The following SAXO1 variants were observed in gnomAD, a reference collection of about 807,000 sequenced individuals.
The protein encoded by SAXO1 is stabilizer of axonemal microtubules 1, also known as 4930500O09Rik.
A neutral mutation model predicts 17.5 loss-of-function variants in SAXO1; 21 were observed. The ratio of observed to expected loss-of-function variants is 1.20; its 90% CI spans 0.85 to 1.72. The LOEUF (loss-of-function observed/expected upper bound fraction) is 1.72. Among genes scored for constraint, SAXO1 ranks in the 40% most tolerant of loss-of-function variants. The pLI, the probability that SAXO1 is intolerant of heterozygous loss-of-function variation, is 0.00. For missense variants in SAXO1, 843 were observed against 596.0 expected (o/e 1.41, Z -4.32); for synonymous variants, 274 against 216.5 (o/e 1.27, Z -2.33).
intron 1 of SAXO1, among the ~76,000 whole-genome samples, chr9:18,990,965 A>G (rs780754772): frequency 3.3e-5 from 5 of 152,224 alleles, no homozygotes; most frequent in Non-Finnish European, 7.3e-5. Flanking sequence ...TGATAGAACT[A>G]AAGTGCACAA....
intron 1 of SAXO1, chr9:19,027,074 T>G (rs1835507006): frequency 2.3e-6 from 2 of 859,330 alleles, no homozygotes; most frequent in Non-Finnish European, 4.0e-6. Context: ...AAGAGAACAG[T>G]GAGAAAATCA....
chr9:19,007,180 C>G (rs956628344), intron 1 of SAXO1, among the ~76,000 whole-genome samples: 1 of 152,028 alleles, frequency 6.6e-6, no homozygotes, highest in Admixed American at 6.6e-5. Flanking sequence ...AACCCCATCT[C>G]TACTAAAAAT....
At chr9:18,937,203 T>C (rs951104618) in intron 3 of SAXO1, among the ~76,000 whole-genome samples, 5 of 152,242 alleles carry the variant, frequency 3.3e-5, no homozygotes, top group African/African-American at 1.2e-4. Context: ...CATGGGGTTA[T>C]TAAGGACTGA....
In SAXO1 at chr9:19,008,403, A is replaced by G. The variant is rs192729812; in HGVS notation, c.38+24468T>C. ...AGCTAACCACTCAGTTGTTATTTTT[A>G]AAGATCCAAGCAATAGGGCCATTCT... On this transcript the variant is annotated intron_variant, in intron 1 of 3. Coordinates refer to ENST00000380534, the MANE Select transcript of SAXO1 (RefSeq NM_153707.4). Among the ~76,000 whole-genome samples the G allele has an allele frequency of 3.3e-5, 5 of 152,310 alleles. No individual in the cohort carries two copies. In the East Asian group the frequency reaches 9.7e-4, roughly 29 times the overall value.
chr9:19,031,054 T>A (rs1835743910), intron 1 of SAXO1, among the ~76,000 whole-genome samples: 1 of 152,172 alleles, frequency 6.6e-6, no homozygotes, highest in Non-Finnish European at 1.5e-5. Context: ...AGGGACAGAA[T>A]GAGAACAGAG....
chr9:18,992,696 T>C (rs971884657), intron 1 of SAXO1, among the ~76,000 whole-genome samples: 2 of 152,060 alleles, frequency 1.3e-5, no homozygotes, highest in African/African-American at 2.4e-5. Context: ...GAGACAGACG[T>C]TGGCACATTG....
At chr9:18,982,128 G>T (rs1386953873) in intron 1 of SAXO1, among the ~76,000 whole-genome samples, 2 of 152,096 alleles carry the variant, frequency 1.3e-5, no homozygotes, top group African/African-American at 2.4e-5. Flanking sequence ...TGCAGGATAG[G>T]AACTCAGAGC....
intron 1 of SAXO1, among the ~76,000 whole-genome samples, chr9:18,973,385 T>G (rs1360480092): frequency 6.6e-6 from 1 of 152,248 alleles, no homozygotes; most frequent in Non-Finnish European, 1.5e-5. Context: ...AGTAGTGTTG[T>G]AGACAGGTAT....
chr9:18,930,716 C>T (rs1027534484), intron 3 of SAXO1, among the ~76,000 whole-genome samples: 13 of 152,232 alleles, frequency 8.5e-5, no homozygotes, highest in Non-Finnish European at 1.6e-4. Context: ...TCAGGCTGGT[C>T]TCGAACTCCC....
chr9:19,021,423 C>G (rs1835228245), intron 1 of SAXO1, among the ~76,000 whole-genome samples: 1 of 152,226 alleles, frequency 6.6e-6, no homozygotes, highest in Admixed American at 6.5e-5. Flanking sequence ...ACCTTCAGGT[C>G]TGTGCCCCAT....
chr9:19,003,244 G>A (rs1424310718), intron 1 of SAXO1, among the ~76,000 whole-genome samples: 2 of 152,122 alleles, frequency 1.3e-5, no homozygotes, highest in Admixed American at 1.3e-4. Context: ...AAATAAAAGA[G>A]GACACAAACA....
intron 1 of SAXO1, among the ~76,000 whole-genome samples, chr9:19,021,983 G>T (rs1835255142): frequency 6.6e-6 from 1 of 152,224 alleles, no homozygotes; most frequent in African/African-American, 2.4e-5. Flanking sequence ...GTGGCAACTG[G>T]GTCGGGTCCC....
At chr9:18,958,861 CGAAGA>C (rs35507340) in intron 1 of SAXO1, among the ~76,000 whole-genome samples, 92,236 of 151,328 alleles carry the variant, frequency 0.61, 30,454 homozygotes, top group Non-Finnish European at 0.75. Context: ...TGAAGTTGCT[CGAAGA>C]GAAGAGGAAG....
intron 1 of SAXO1, among the ~76,000 whole-genome samples, chr9:18,982,713 A>AAC: frequency 6.6e-6 from 1 of 152,200 alleles, no homozygotes. Context: ...ACATTAATTC[A>AAC]CTGGATGTAG....
intron 1 of SAXO1, among the ~76,000 whole-genome samples, chr9:19,010,647 G>C (rs1192382838): frequency 6.6e-6 from 1 of 152,002 alleles, no homozygotes; most frequent in East Asian, 1.9e-4. Flanking sequence ...ATATTATTTG[G>C]CTAGCTGACT....
intron 3 of SAXO1, among the ~76,000 whole-genome samples, chr9:18,935,162 C>A (rs1588402109): frequency 6.6e-6 from 1 of 152,096 alleles, no homozygotes. Flanking sequence ...GATCTGCGCA[C>A]CTGGGCCTCG....
intron 1 of SAXO1, among the ~76,000 whole-genome samples, chr9:18,988,914 A>T (rs927719505): frequency 6.6e-6 from 1 of 152,210 alleles, no homozygotes; most frequent in African/African-American, 2.4e-5. Flanking sequence ...ACCTGAGCAT[A>T]GTTTGTGAAA....
At chr9:18,930,946 G>C (rs143899731) in intron 3 of SAXO1, among the ~76,000 whole-genome samples, 1 of 152,092 alleles carries the variant, frequency 6.6e-6, no homozygotes, top group Non-Finnish European at 1.5e-5. Context: ...CGAAAGGTTA[G>C]AAAAAAAAGC....
intron 1 of SAXO1, chr9:19,028,155 G>C: frequency 6.7e-7 from 1 of 1,502,822 alleles, no homozygotes; most frequent in Non-Finnish European, 9.2e-7. Context: ...GCCAGCCCCG[G>C]ACTCGCGGCT....
Sources: gnomAD v4.1 joint callset for allele counts (sites outside exome capture counted in the v4.1 genomes callset) on GRCh38, gnomAD v4.1.1 for gene constraint, MANE v1.5 for transcripts, NCBI Gene and HGNC (gene_info 2026-07-23, HGNC 2026-07-21) for gene names.